The following DENND4B variants were observed in gnomAD, a reference collection of about 807,000 sequenced individuals.
DENND4B encodes DENN domain-containing protein 4B.
A neutral mutation model predicts 161.0 loss-of-function variants in DENND4B; 67 were observed. The observed-to-expected ratio is 0.42, with a 90% CI of 0.34 to 0.51. The LOEUF (loss-of-function observed/expected upper bound fraction) is 0.51, where lower values mean the gene tolerates loss of function less well. DENND4B is among the 20% of genes least tolerant of loss of function. The probability of loss-of-function intolerance (pLI) is 0.08; values close to 1 mark genes in which losing one functional copy is unlikely to be tolerated. For synonymous variants in DENND4B, 753 were observed against 813.8 expected (o/e 0.93, Z 1.27); for missense variants, 1,481 against 1,968.0 (o/e 0.75, Z 4.68).
rs942487781 is a variant in DENND4B at position 153,940,310 on chromosome 1, G to A, written c.1503-54C>T. 50 of 1,565,424 alleles carry A rather than the reference G, an allele frequency of 3.2e-5. No homozygotes were observed. Among genetic ancestry groups the A allele is most frequent in the Middle Eastern group, 3.7e-4 (2 of 5,336 alleles). The stretch of plus-strand genomic sequence containing the variant: ...GGCGAGGCTCTGGGATAGGGTGACG[G>A]GGTTCCTTGCCAGCCTCCCTCACTT... On this transcript the variant is annotated intron_variant, in intron 10 of 27. Transcript: ENST00000361217. This position sits in a 1 kb window ranked among gnomAD's most constrained non-coding sequence, Gnocchi z 5.6.
chr1:153,931,933 A>G (rs1040616342), intron 24 of DENND4B, among the ~76,000 whole-genome samples: 8 of 151,874 alleles, frequency 5.3e-5, no homozygotes, highest in Non-Finnish European at 1.0e-4. Context: ...CCTCCCGAGT[A>G]GCTGGGATTA....
chr1:153,944,388 C>T lies in DENND4B; in HGVS notation c.-14G>A. ...CTCCTCCGCCATGGCCCCCCCCTCA[C>T]TCACTGCATCTGGAATGGTCAAGTG... is the stretch of plus-strand genomic sequence containing the variant. On this transcript the variant is annotated 5_prime_UTR_variant, in exon 2 of 28. It adds an upstream start codon to the 5' untranslated region. Coordinates refer to ENST00000361217, the MANE Select transcript of DENND4B (RefSeq NM_014856.3). The surrounding 1 kb of genome is among the most constrained non-coding windows in gnomAD (Gnocchi z 4.8). 2 of 1,595,954 alleles carry T rather than the reference C, an allele frequency of 1.3e-6. No homozygotes were observed. The highest frequency in any genetic ancestry group is 1.7e-6 in the Non-Finnish European group (2 of 1,172,078).
chr1:153,937,914 G>C lies in DENND4B; in HGVS notation c.1966-51C>G. On this transcript the variant is annotated intron_variant, in intron 13 of 27. Coordinates refer to ENST00000361217, the MANE Select transcript of DENND4B (RefSeq NM_014856.3). This position sits in a 1 kb window ranked among gnomAD's most constrained non-coding sequence, Gnocchi z 4.7. Reference sequence around the variant, plus strand: ...GTGTTGAGATGGTGGGCATGGAGCAGAGCCAGGGTGTCTAGACGATGGCAT... The same window carrying C: ...GTGTTGAGATGGTGGGCATGGAGCACAGCCAGGGTGTCTAGACGATGGCAT... The C allele has an allele frequency of 6.2e-7, 1 of 1,610,614 alleles. No homozygotes were observed. The highest frequency in any genetic ancestry group is 1.1e-5 in the South Asian group (1 of 90,946).
At chr1:153,945,926 G>C (rs79753299) in intron 1 of DENND4B, among the ~76,000 whole-genome samples, 3 of 152,164 alleles carry the variant, frequency 2.0e-5, no homozygotes, top group Non-Finnish European at 4.4e-5. Context: ...GCCGGGTGAC[G>C]GGAAGTTCGG....
In DENND4B at chr1:153,944,361, C is replaced by T. The variant is rs1387861467; in HGVS notation, c.14G>A (p.Arg5Gln). 15 of 1,605,762 alleles carry T rather than the reference C, an allele frequency of 9.3e-6. No individual in the cohort carries two copies. Among genetic ancestry groups the T allele is most frequent in the Admixed American group, 5.1e-5 (3 of 59,128 alleles). The change falls in exon 2 of 28, where the codon CGG (arginine) becomes CAG (glutamine). Residue 5 changes from arginine to glutamine, a missense_variant. Coordinates refer to ENST00000361217, the MANE Select transcript of DENND4B (RefSeq NM_014856.3). This position sits in a 1 kb window ranked among gnomAD's most constrained non-coding sequence, Gnocchi z 4.8. The part of the protein sequence containing the change: MAEE[R>Q]PPRLVDYFVV... ...GAAGTAATCCACCAGCCGGGGGGGC[C>T]GCTCCTCCGCCATGGCCCCCCCCTC...
At chr1:153,935,493 C>G (rs1679281841) in intron 17 of DENND4B, among the ~76,000 whole-genome samples, 1 of 152,162 alleles carries the variant, frequency 6.6e-6, no homozygotes, top group Non-Finnish European at 1.5e-5. Context: ...ACTACAGGCA[C>G]CCACCACCAC....
Position 153,933,153 on chromosome 1 carries a change from CTA to C in DENND4B, c.3453+42_3453+43del, listed in dbSNP as rs1557846572. ...CTGCCTTGGACAGGGTGAGTGTGTG[CTA>C]TGTGTGTTCAAGCACATCTGTGTGG... On this transcript the variant is annotated intron_variant, in intron 21 of 27. Transcript: ENST00000361217. This position sits in a 1 kb window ranked among gnomAD's most constrained non-coding sequence, Gnocchi z 5.7. The C allele has an allele frequency of 3.7e-6, 6 of 1,612,092 alleles. No individual in the cohort carries two copies. The East Asian group carries it at 1.3e-4, about 36-fold the overall frequency.
rs1679432523 is a variant in DENND4B at position 153,937,736 on chromosome 1, G to A, written c.2093C>T (p.Thr698Ile). 1 of 1,614,078 alleles carries A rather than the reference G, an allele frequency of 6.2e-7. No homozygotes were observed. Among genetic ancestry groups the A allele is most frequent in the East Asian group, 2.2e-5 (1 of 44,890 alleles). ...AAGAGACTCTCACCAGTACTGGGGA[G>A]TGGATTCACTGCCCTCTGGTAAGGC... ...EPALPEGSES[T>I]PQYCYDGFPE... The change falls in exon 14 of 28, where the codon ACT (threonine) becomes ATT (isoleucine). Residue 698 changes from threonine to isoleucine, a missense_variant. Transcript: ENST00000361217. This position sits in a 1 kb window ranked among gnomAD's most constrained non-coding sequence, Gnocchi z 4.7.
At chr1:153,939,501 C>T in intron 12 of DENND4B, 88 bp downstream of exon 12, 1 of 1,414,318 alleles carries the variant, frequency 7.1e-7, no homozygotes, top group South Asian at 1.3e-5. Context: ...TGGAGTGGCT[C>T]CCAGTCCCCT....
chr1:153,935,001 G>T, intron 17 of DENND4B, 37 bp from the exon 18 acceptor site: 1 of 1,601,294 alleles, frequency 6.2e-7, no homozygotes, highest in South Asian at 1.1e-5. Flanking sequence ...GGCCTACCTC[G>T]ACACCCTAAC....
chr1:153,941,378 A>T lies in DENND4B; in HGVS notation c.1118T>A (p.Val373Glu), dbSNP rs774022565. Residue 373 changes from valine to glutamate, a missense_variant, in exon 7 of 28, where the codon GTG becomes GAG. By Grantham distance (121) the Val-to-Glu change is moderately radical. Around this residue, in one of 3 missense-constraint regions of DENND4B, gnomAD observed 806 missense variants for 1,134.4 expected, o/e 0.71. Coordinates refer to ENST00000361217, the MANE Select transcript of DENND4B (RefSeq NM_014856.3). Reference sequence around the variant, plus strand: ...GGCCCCAGCCTCAGCTCTCACCTGCACTAGGATGCGGGGTCTCTGTGGGGA... The same window carrying T: ...GGCCCCAGCCTCAGCTCTCACCTGCTCTAGGATGCGGGGTCTCTGTGGGGA... ...FPSPQRPRIL[V>E]QMSPYDNLLL... 1 of 1,613,508 alleles carries T rather than the reference A, an allele frequency of 6.2e-7. No individual in the cohort carries two copies. Among genetic ancestry groups the T allele is most frequent in the Non-Finnish European group, 8.5e-7 (1 of 1,179,712 alleles).
Position 153,940,869 on chromosome 1 carries a change from T to C in DENND4B, c.1326+35A>G. ...TAGGGGCACCAGAAAGAACCATGGT[T>C]CTGGGGAAGATGGGCCAGGCGGGGC... On this transcript the variant is annotated intron_variant, in intron 9 of 27. Transcript: ENST00000361217. This position sits in a 1 kb window ranked among gnomAD's most constrained non-coding sequence, Gnocchi z 5.6. 6.5e-7 allele frequency: 1 copy of C among 1,539,568 alleles called. No homozygotes were observed. Among genetic ancestry groups the C allele is most frequent in the Non-Finnish European group, 8.7e-7 (1 of 1,146,884 alleles).
chr1:153,936,542 C>T lies in DENND4B; in HGVS notation c.2439G>A (p.Glu813=). The change falls in exon 16 of 28, where the codon GAG becomes GAA. Residue 813 remains glutamate, a splice_region_variant and synonymous_variant. Transcript: ENST00000361217. The surrounding 1 kb of genome is among the most constrained non-coding windows in gnomAD (Gnocchi z 4.1). ...GAGCATGGTCACATAGATTGCCTAC[C>T]TCATCAGGGAGCACCACCTTGCCGC... ...MESGKVVLPD[E]VCYRVLMQLC... is the part of the protein sequence containing the mutation. 6 of 1,588,650 alleles carry T rather than the reference C, an allele frequency of 3.8e-6. No individual in the cohort carries two copies. Among genetic ancestry groups the T allele is most frequent in the Non-Finnish European group, 5.2e-6 (6 of 1,164,296 alleles).
At chr1:153,939,069 G>T (rs767051754) in intron 12 of DENND4B, 24 bp from the exon 13 acceptor site, 3 of 1,609,086 alleles carry the variant, frequency 1.9e-6, no homozygotes, top group Non-Finnish European at 2.5e-6. Flanking sequence ...GAATGGGGCA[G>T]AGGAGGGGTG....
chr1:153,932,509 C>T lies in DENND4B; in HGVS notation c.3760-69G>A, dbSNP rs1319179941. On this transcript the variant is annotated intron_variant, in intron 23 of 27. Coordinates refer to ENST00000361217, the MANE Select transcript of DENND4B (RefSeq NM_014856.3). This position sits in a 1 kb window ranked among gnomAD's most constrained non-coding sequence, Gnocchi z 5.8. ...CCCAGAGCCTTGCCTCCCACTGAGC[C>T]ACCACATCCAACAGCTTTTGGGATG... is the stretch of plus-strand genomic sequence containing the variant. The T allele has an allele frequency of 3.9e-6, 6 of 1,555,374 alleles. No homozygotes were observed. The highest frequency in any genetic ancestry group is 2.7e-5 in the African/African-American group (2 of 73,480).
intron 12 of DENND4B, 139 bp downstream of exon 12, chr1:153,939,450 G>A (rs1313275077): frequency 6.5e-6 from 6 of 918,984 alleles, no homozygotes; most frequent in Non-Finnish European, 9.8e-6. Flanking sequence ...GGCTCAAAGC[G>A]GGTGCCCATA....
At position 153,932,181 on chromosome 1, in the gene DENND4B, A is replaced by T; in HGVS notation, c.3996+23T>A. The stretch of plus-strand genomic sequence containing the variant: ...GAGATGAGGGAGGCACTTAGGAAAC[A>T]GGGGCCACATGGGGGCACTGACCTG... On this transcript the variant is annotated intron_variant, in intron 24 of 27. Transcript: ENST00000361217. This position sits in a 1 kb window ranked among gnomAD's most constrained non-coding sequence, Gnocchi z 5.8. The T allele has an allele frequency of 2.5e-6, 4 of 1,600,332 alleles. No individual in the cohort carries two copies. Among genetic ancestry groups the T allele is most frequent in the Non-Finnish European group, 3.4e-6 (4 of 1,170,146 alleles).
At position 153,932,631 on chromosome 1, in the gene DENND4B, C is replaced by A; in HGVS notation, c.3759+11G>T. The stretch of plus-strand genomic sequence containing the variant: ...TTCCCGTTCCTCATGCCCCTTTGGC[C>A]CAGCCCTTACCCCCATGTGCCCGTT... On this transcript the variant is annotated intron_variant, in intron 23 of 27. Transcript: ENST00000361217. The surrounding 1 kb of genome is among the most constrained non-coding windows in gnomAD (Gnocchi z 5.8). The A allele has an allele frequency of 6.2e-7, 1 of 1,608,958 alleles. No homozygotes were observed. Among genetic ancestry groups the A allele is most frequent in the Non-Finnish European group, 8.5e-7 (1 of 1,176,730 alleles).
rs1287798542 is a variant in DENND4B at position 153,931,074 on chromosome 1, C to G, written c.3997-10G>C. ...GCCAAGGAGATGGGGCCTGGGGGAG[C>G]CAAGATAGTGGAGACAGTTAGGCTC... On this transcript the variant is annotated splice_polypyrimidine_tract_variant and intron_variant, in intron 24 of 27. Coordinates refer to ENST00000361217, the MANE Select transcript of DENND4B (RefSeq NM_014856.3). 1 of 1,601,222 alleles carries G rather than the reference C, an allele frequency of 6.2e-7. No individual in the cohort carries two copies. The highest frequency in any genetic ancestry group is 1.7e-5 in the Admixed American group (1 of 57,760).
Sources: gnomAD v4.1 joint callset for allele counts (sites outside exome capture counted in the v4.1 genomes callset) on GRCh38, gnomAD v4.1.1 for gene constraint, gnomAD v4.1.1 regional missense constraint, Gnocchi (gnomAD v3.1) non-coding constraint, MANE v1.5 for transcripts, NCBI Gene and HGNC (gene_info 2026-07-23, HGNC 2026-07-21) for gene names.